POM121: variants seen among roughly 807,000 people sequenced by gnomAD.
The protein encoded by POM121 is POM121 transmembrane nucleoporin, also known as nuclear envelope pore membrane protein POM 121.
In POM121, 32 loss-of-function variants were observed where a neutral mutation model predicts 81.3. The observed-to-expected ratio is 0.39, with a 90% CI of 0.30 to 0.53. The LOEUF (loss-of-function observed/expected upper bound fraction) is 0.53, where lower values mean the gene tolerates loss of function less well. POM121 is among the 20% of genes least tolerant of loss of function. POM121 has a pLI of 0.66. For synonymous variants in POM121, 514 were observed against 694.2 expected (o/e 0.74, Z 4.08); for missense variants, 1,138 against 1,614.6 (o/e 0.70, Z 5.06).
At chr7:72,937,647 A>G (rs1399342632) in intron 5 of POM121, among the ~76,000 whole-genome samples, 4 of 152,188 alleles carry the variant, frequency 2.6e-5, no homozygotes, top group Non-Finnish European at 4.4e-5. Context: ...GTACTGGGTA[A>G]GAAATCACTA....
rs560425785 is a variant in POM121 at position 72,948,198 on chromosome 7, T to C, written c.*1964T>C. ...GGAGGCTGGGACTTTCCATTACAAA[T>C]AGAGACTTCATTCCTGTTGAGTCTA... On this transcript the variant is annotated 3_prime_UTR_variant, in exon 13 of 13. Coordinates refer to ENST00000434423, the MANE Select transcript of POM121 (RefSeq NM_001387691.1). 1.2e-4 allele frequency: 168 copies of C among 1,441,660 alleles called. 9 individuals are homozygous for C. In the African/African-American group the frequency reaches 2.3e-3, roughly 20 times the overall value. The allele number at this position is 1,441,660 out of a possible 1,614,324, so 89.3% of individuals were successfully genotyped here.
upstream of POM121, among the ~76,000 whole-genome samples, chr7:72,920,473 C>G (rs782573456): frequency 6.6e-6 from 1 of 151,568 alleles, no homozygotes; most frequent in Non-Finnish European, 1.5e-5. Context: ...CTCAGCCTCC[C>G]GAGTAGCTGG....
At chr7:72,939,055 TG>T (rs1189477256) in intron 6 of POM121, among the ~76,000 whole-genome samples, 3 of 152,234 alleles carry the variant, frequency 2.0e-5, no homozygotes, top group African/African-American at 7.2e-5. Flanking sequence ...GGATCACATC[TG>T]TGTCTAGAAC....
At position 72,943,366 on chromosome 7, in the gene POM121, G is replaced by A. The variant is rs146452593; in HGVS notation, c.3373G>A (p.Gly1125Arg). The A allele has an allele frequency of 1.8e-5, 29 of 1,612,922 alleles. No individual in the cohort carries two copies. The highest frequency in any genetic ancestry group is 3.3e-5 in the Admixed American group (2 of 59,934). ...VATPGSSTTT[G>R]AFSFGAGQSG... ...CACCCCAGGCTCCAGCACCACCACC[G>A]GAGCTTTCAGCTTTGGAGCAGGACA... is the stretch of plus-strand genomic sequence containing the variant. Residue 1125 changes from glycine to arginine, a missense_variant, in exon 11 of 13, where the codon GGA (glycine) becomes AGA (arginine). This residue lies in a region of POM121 where 336 missense variants were observed against 344.3 expected (regional missense o/e 0.98). Coordinates refer to ENST00000434423, the MANE Select transcript of POM121 (RefSeq NM_001387691.1).
Position 72,926,848 on chromosome 7 carries a change from G to T in POM121, c.907G>T (p.Ala303Ser). 2 of 1,613,912 alleles carry T rather than the reference G, an allele frequency of 1.2e-6. No homozygotes were observed. Among genetic ancestry groups the T allele is most frequent in the Middle Eastern group, 1.7e-4 (1 of 6,056 alleles). The change falls in exon 3 of 13, where the codon GCC becomes TCC. Residue 303 changes from alanine to serine, a missense_variant. Transcript: ENST00000434423. ...AACACTGTCCTCACCATCAAGTAAC[G>T]CCCCAGACCCATGTGCAAAGGAGAC... ...SSTLSSPSSNAPDPCAKETVL... is the reference protein window; with the variant it reads ...SSTLSSPSSNSPDPCAKETVL...
chr7:72,935,167 G>A (rs1563162839), intron 5 of POM121, among the ~76,000 whole-genome samples: 7 of 151,608 alleles, frequency 4.6e-5, no homozygotes, highest in Non-Finnish European at 7.4e-5. Context: ...ATGGAATGTC[G>A]TTATTTATTT....
chr7:72,929,208 TAAGTG>T (rs1289949983), intron 4 of POM121, among the ~76,000 whole-genome samples: 17 of 152,172 alleles, frequency 1.1e-4, no homozygotes, highest in African/African-American at 4.1e-4. Flanking sequence ...AATAAAGAAA[TAAGTG>T]AGGGAAGGAC....
intron 3 of POM121, among the ~76,000 whole-genome samples, chr7:72,905,651 G>A (rs1405864850): frequency 6.6e-6 from 1 of 152,206 alleles, no homozygotes; most frequent in Non-Finnish European, 1.5e-5. Context: ...AGTAAGCCAA[G>A]ATTGCACCTC....
intron 11 of POM121, among the ~76,000 whole-genome samples, chr7:72,944,033 C>CT (rs1215837574): frequency 2.6e-5 from 4 of 151,622 alleles, no homozygotes; most frequent in Non-Finnish European, 4.4e-5. Context: ...GAGCAAGACT[C>CT]TGTCTCAAAA....
intron 3 of POM121, among the ~76,000 whole-genome samples, chr7:72,900,129 G>A (rs565513606): frequency 1.1e-4 from 16 of 152,282 alleles, no homozygotes; most frequent in Middle Eastern, 3.4e-3. Flanking sequence ...GATTTAGCTC[G>A]TTTTCTGATG....
At chr7:72,894,679 GA>G (rs1791746808) in intron 3 of POM121, among the ~76,000 whole-genome samples, 1 of 139,070 alleles carries the variant, frequency 7.2e-6, no homozygotes. Context: ...GAGAGAGAGA[GA>G]GATCTCCGTC....
chr7:72,887,651 A>G (rs1183991985), intron 1 of POM121, among the ~76,000 whole-genome samples: 2 of 152,014 alleles, frequency 1.3e-5, no homozygotes, highest in East Asian at 3.9e-4. Flanking sequence ...ACATGGTGAA[A>G]CCCCATCTCT....
At chr7:72,945,426 T>C (rs1346655758) in intron 11 of POM121, among the ~76,000 whole-genome samples, 160 bp from the exon 12 acceptor site, 1 of 151,848 alleles carries the variant, frequency 6.6e-6, no homozygotes, top group Non-Finnish European at 1.5e-5. Context: ...GCATGAAGAC[T>C]CGGTTGTCTG....
chr7:72,891,267 T>C (rs1791272233), intron 3 of POM121, among the ~76,000 whole-genome samples: 1 of 152,170 alleles, frequency 6.6e-6, no homozygotes, highest in Non-Finnish European at 1.5e-5. Flanking sequence ...CTTTTGTTTA[T>C]TTTATATTTG....
Position 72,918,338 on chromosome 7 carries a change from C to T in POM121, c.-152+4510C>T, listed in dbSNP as rs546842868. On this transcript the variant is annotated intron_variant, in intron 4 of 15. Coordinates refer to the POM121 transcript ENST00000395270. ...AGACCACGGTCTGCCTGGCAACAGGCGTCTTCCCAGATGCTGGCGTCACTG... is the reference window on the plus strand; with the variant it reads ...AGACCACGGTCTGCCTGGCAACAGGTGTCTTCCCAGATGCTGGCGTCACTG... Among the ~76,000 whole-genome samples the T allele has an allele frequency of 2.1e-4, 32 of 152,240 alleles. No homozygotes were observed. In the South Asian group the frequency reaches 6.6e-3, roughly 32 times the overall value.
chr7:72,900,909 T>A (rs182056854), intron 3 of POM121, among the ~76,000 whole-genome samples: 280 of 152,178 alleles, frequency 1.8e-3, no homozygotes, highest in Middle Eastern at 0.014. Context: ...TTTTTTTTTT[T>A]TTATTATTGC....
intron 5 of POM121, among the ~76,000 whole-genome samples, chr7:72,936,438 C>T (rs1241327182): frequency 3.3e-5 from 5 of 151,522 alleles, no homozygotes; most frequent in Non-Finnish European, 5.9e-5. Flanking sequence ...CCACCACACC[C>T]GGCTAATTTT....
intron 4 of POM121, among the ~76,000 whole-genome samples, chr7:72,916,210 A>G (rs1329073919): frequency 2.0e-5 from 3 of 152,142 alleles, no homozygotes; most frequent in Non-Finnish European, 4.4e-5. Flanking sequence ...TTTTGTTGCA[A>G]TTGCTTTTGG....
intron 1 of POM121, among the ~76,000 whole-genome samples, chr7:72,888,188 A>C (rs1185393417): frequency 6.6e-6 from 1 of 152,050 alleles, no homozygotes; most frequent in Non-Finnish European, 1.5e-5. Flanking sequence ...TCCATGTCCA[A>C]ATTTTTTTTT....
Sources: allele counts gnomAD v4.1 joint callset (sites outside exome capture counted in the v4.1 genomes callset), GRCh38; gene constraint gnomAD v4.1.1; regional missense constraint gnomAD v4.1.1; transcripts MANE v1.5; gene names NCBI Gene and HGNC (gene_info 2026-07-23, HGNC 2026-07-21).